The following QTMAN variants were observed in gnomAD, a reference collection of about 807,000 sequenced individuals.
The protein encoded by QTMAN is queuosine-tRNA mannosyltransferase.
At chr2:144,036,491 A>G in the QTMAN span, among the ~76,000 whole-genome samples, 2 of 152,202 alleles carry the variant, frequency 1.3e-5, no homozygotes, top group African/African-American at 2.4e-5. Context: ...ATTAAATTTA[A>G]TACTGAACAC....
At chr2:144,323,894 G>A in the QTMAN span, among the ~76,000 whole-genome samples, 6 of 152,124 alleles carry the variant, frequency 3.9e-5, no homozygotes, top group Non-Finnish European at 8.8e-5. Context: ...GATGAAGAAA[G>A]GTGAAGTTAC....
At chr2:144,116,312 G>A in the QTMAN span, among the ~76,000 whole-genome samples, 1 of 132,386 alleles carries the variant, frequency 7.6e-6, no homozygotes, top group Non-Finnish European at 1.6e-5. Flanking sequence ...GGGGGGTGGG[G>A]GGGAGTAGAT....
At chr2:143,970,579 A>G in the QTMAN span, 2 of 822,224 alleles carry the variant, frequency 2.4e-6, no homozygotes, top group Non-Finnish European at 2.1e-6. Context: ...AAAGGGAAAC[A>G]TGGAAATTAA....
At chr2:144,289,446 A>G in the QTMAN span, among the ~76,000 whole-genome samples, 49 of 152,396 alleles carry the variant, frequency 3.2e-4, no homozygotes, top group African/African-American at 1.2e-3. Context: ...CTAGAAGCTC[A>G]AAGTGTAGAA....
At chr2:144,285,769 C>T in the QTMAN span, among the ~76,000 whole-genome samples, 1 of 152,106 alleles carries the variant, frequency 6.6e-6, no homozygotes, top group Non-Finnish European at 1.5e-5. Flanking sequence ...AGCATTTTGG[C>T]CCCAGAAAAC....
At chr2:144,278,178 T>C in the QTMAN span, among the ~76,000 whole-genome samples, 5 of 152,134 alleles carry the variant, frequency 3.3e-5, no homozygotes, top group Admixed American at 6.5e-5. Flanking sequence ...CTGAAAAGTG[T>C]GGTTCTAGCA....
the QTMAN span, among the ~76,000 whole-genome samples, chr2:144,099,060 T>C: frequency 6.6e-6 from 1 of 152,172 alleles, no homozygotes; most frequent in Non-Finnish European, 1.5e-5. Context: ...AACAATCAAA[T>C]GGCTGAATAT....
At chr2:144,085,671 G>T in the QTMAN span, among the ~76,000 whole-genome samples, 1 of 152,156 alleles carries the variant, frequency 6.6e-6, no homozygotes, top group African/African-American at 2.4e-5. Context: ...AGAGATGAGG[G>T]GGATGTGAAC....
At chr2:143,990,991 A>T in the QTMAN span, among the ~76,000 whole-genome samples, 1 of 152,206 alleles carries the variant, frequency 6.6e-6, no homozygotes, top group South Asian at 2.1e-4. Flanking sequence ...AAGGGATACA[A>T]TTAAAAGCAG....
the QTMAN span, among the ~76,000 whole-genome samples, chr2:144,074,324 A>AT: frequency 3.3e-5 from 5 of 152,260 alleles, no homozygotes; most frequent in South Asian, 8.3e-4. Context: ...TTACATGAAG[A>AT]TTTTTTGAAA....
the QTMAN span, among the ~76,000 whole-genome samples, chr2:144,286,950 T>C: frequency 6.6e-6 from 1 of 152,236 alleles, no homozygotes; most frequent in Non-Finnish European, 1.5e-5. Flanking sequence ...AATTCTCCTT[T>C]TTCATACAAA....
At chr2:144,182,390 C>T in the QTMAN span, among the ~76,000 whole-genome samples, 9 of 151,958 alleles carry the variant, frequency 5.9e-5, no homozygotes, top group Non-Finnish European at 1.5e-5. Flanking sequence ...CCTGTAATCC[C>T]AGCACTTTGG....
chr2:144,033,037 T>A, the QTMAN span, among the ~76,000 whole-genome samples: 12 of 152,260 alleles, frequency 7.9e-5, no homozygotes, highest in South Asian at 2.5e-3. Context: ...GTATAAAAAA[T>A]ATTTTGGCTT....
At chr2:143,962,660 GA>G in the QTMAN span, among the ~76,000 whole-genome samples, 1 of 152,096 alleles carries the variant, frequency 6.6e-6, no homozygotes, top group African/African-American at 2.4e-5. Context: ...GCAAGAACTG[GA>G]AAAGAGCCAA....
At chr2:144,241,328 A>T in the QTMAN span, among the ~76,000 whole-genome samples, 1 of 152,162 alleles carries the variant, frequency 6.6e-6, no homozygotes, top group Non-Finnish European at 1.5e-5. Flanking sequence ...TTCTCTCCAC[A>T]ATTTACTAGC....
At chr2:144,133,523 AATAAAT>A in the QTMAN span, among the ~76,000 whole-genome samples, 1 of 96,692 alleles carries the variant, frequency 1.0e-5, no homozygotes, top group Non-Finnish European at 1.9e-5. Context: ...AATATATATA[AATAAAT>A]ATATATAAAG....
chr2:144,056,390 T>C, the QTMAN span, among the ~76,000 whole-genome samples: 1 of 152,344 alleles, frequency 6.6e-6, no homozygotes, highest in East Asian at 1.9e-4. Flanking sequence ...AAGTTTATGA[T>C]TGTGGCAATC....
the QTMAN span, among the ~76,000 whole-genome samples, chr2:144,051,130 T>C: frequency 2.6e-5 from 4 of 152,298 alleles, no homozygotes; most frequent in African/African-American, 4.8e-5. Context: ...TTAGGTGTTA[T>C]TGCTCTTATT....
chr2:143,947,736 A>G, the QTMAN span, among the ~76,000 whole-genome samples: 2 of 152,218 alleles, frequency 1.3e-5, no homozygotes, highest in African/African-American at 2.4e-5. Context: ...AGTAGCAGAG[A>G]AGGACAAAAC....
Sources: allele counts gnomAD v4.1 joint callset (sites outside exome capture counted in the v4.1 genomes callset), GRCh38; gene constraint gnomAD v4.1.1; transcripts MANE v1.5; gene names NCBI Gene and HGNC (gene_info 2026-07-23, HGNC 2026-07-21).